RNF150: variants seen among roughly 807,000 people sequenced by gnomAD.
RNF150 encodes the protein ring finger protein 150.
Under a neutral mutation model 39.3 loss-of-function variants are expected in RNF150, and 24 were observed. That is an observed-to-expected ratio of 0.61 (90% CI 0.44 to 0.86). The LOEUF (loss-of-function observed/expected upper bound fraction) is 0.86, where lower values mean the gene tolerates loss of function less well. Ranked by LOEUF, RNF150 falls within the 40% of genes least tolerant of loss-of-function variation. The pLI is 0.00. For synonymous variants in RNF150, 255 were observed against 227.3 expected (o/e 1.12, Z -1.10); for missense variants, 502 against 587.8 (o/e 0.85, Z 1.51).
chr4:141,105,637 A>T (rs1217923048), intron 1 of RNF150, among the ~76,000 whole-genome samples: 1 of 152,114 alleles, frequency 6.6e-6, no homozygotes, highest in African/African-American at 2.4e-5. Flanking sequence ...GCAATCTCAA[A>T]TTTAAAATGC....
At chr4:140,951,597 G>A (rs561457803) in intron 2 of RNF150, among the ~76,000 whole-genome samples, 8 of 149,872 alleles carry the variant, frequency 5.3e-5, no homozygotes, top group African/African-American at 2.0e-4. Flanking sequence ...AATTTAGCCA[G>A]TTAACGGGAA....
chr4:141,169,492 A>G (rs1003273117), intron 1 of RNF150, among the ~76,000 whole-genome samples: 1 of 152,200 alleles, frequency 6.6e-6, no homozygotes, highest in Non-Finnish European at 1.5e-5. Flanking sequence ...TTTAATAATT[A>G]TAGTTTGGCA....
At chr4:141,158,320 A>G (rs898171011) in intron 1 of RNF150, among the ~76,000 whole-genome samples, 3 of 152,002 alleles carry the variant, frequency 2.0e-5, no homozygotes. Context: ...AAACAAAACA[A>G]AGAACAACAG....
intron 1 of RNF150, among the ~76,000 whole-genome samples, chr4:141,177,776 T>C (rs530638081): frequency 2.6e-5 from 4 of 152,316 alleles, no homozygotes; most frequent in African/African-American, 7.2e-5. Flanking sequence ...GCTCATTTCA[T>C]TGATACCTTG....
chr4:141,206,583 T>C (rs550829150), intron 1 of RNF150, among the ~76,000 whole-genome samples: 1 of 152,072 alleles, frequency 6.6e-6, no homozygotes, highest in African/African-American at 2.4e-5. Flanking sequence ...TTATAGATAA[T>C]AGGTAGTCAG....
At chr4:141,165,443 C>T (rs546633019) in intron 1 of RNF150, among the ~76,000 whole-genome samples, 1 of 152,166 alleles carries the variant, frequency 6.6e-6, no homozygotes, top group Admixed American at 6.5e-5. Context: ...CTGGACCAAG[C>T]AGACCTAATA....
chr4:141,004,960 T>C (rs984981465), intron 1 of RNF150, among the ~76,000 whole-genome samples: 5 of 152,178 alleles, frequency 3.3e-5, no homozygotes, highest in Admixed American at 1.3e-4. Context: ...ACAAACAACA[T>C]GGGCAAAGAC....
rs987151072 is a variant in RNF150, at chr4:141,150,413, C to T, written c.-6+62381G>A. On this transcript the variant is annotated intron_variant, in intron 1 of 7. Transcript: ENST00000420921. ...CGTCACCATCTACATTGCTTCCACC[C>T]ACGGGTGTGAGCCATCACCCTGTGG... Among the ~76,000 whole-genome samples, 40 of 152,342 alleles carry T rather than the reference C, an allele frequency of 2.6e-4. 1 individual carries two copies. The highest frequency in any genetic ancestry group is 8.7e-4 in the African/African-American group (36 of 41,584).
chr4:140,950,251 AAG>A (rs1170279818), intron 2 of RNF150, among the ~76,000 whole-genome samples: 1 of 152,240 alleles, frequency 6.6e-6, no homozygotes, highest in African/African-American at 2.4e-5. Context: ...GACTAAGATT[AAG>A]AGAGTTAACA....
chr4:140,916,365 T>C (rs2111289602), intron 5 of RNF150, among the ~76,000 whole-genome samples: 1 of 152,254 alleles, frequency 6.6e-6, no homozygotes, highest in East Asian at 1.9e-4. Flanking sequence ...CTGATGGAGC[T>C]GAAAACCAAG....
At chr4:140,873,520 TAAATAAAATCCATACCCAAGGAAA>T (rs1438457042) in intron 6 of RNF150, among the ~76,000 whole-genome samples, 6 of 152,172 alleles carry the variant, frequency 3.9e-5, no homozygotes, top group Admixed American at 3.3e-4. Context: ...TCATCTTTTA[TAAATAAAATCCATACCCAAGGAAA>T]AGAGAGACTA....
rs1035046810 is a variant in RNF150, at chr4:141,151,418, A to G, written c.-6+61376T>C. Among the ~76,000 whole-genome samples, 12 of 9,970 alleles carry G rather than the reference A, an allele frequency of 1.2e-3. 1 individual carries two copies. The South Asian group carries it at 0.091, about 76-fold the overall frequency. 6.5% of individuals were successfully genotyped at this position (9,970 alleles called of 152,430 possible). ...AAACCCCATCTCTACAGACACACAC[A>G]CACACACACACACACACACACACAC... On this transcript the variant is annotated intron_variant, in intron 1 of 7. Transcript: ENST00000420921.
chr4:141,037,921 T>C (rs1212090804), intron 1 of RNF150, among the ~76,000 whole-genome samples: 1 of 152,224 alleles, frequency 6.6e-6, no homozygotes, highest in Non-Finnish European at 1.5e-5. Flanking sequence ...GAGTTTGCAT[T>C]TTAAAACAGC....
At chr4:140,989,900 A>C (rs1377150922) in intron 1 of RNF150, among the ~76,000 whole-genome samples, 2 of 152,198 alleles carry the variant, frequency 1.3e-5, no homozygotes, top group Non-Finnish European at 2.9e-5. Flanking sequence ...AGAGCATTTT[A>C]AATTCTTGTT....
chr4:140,958,772 ATTTTC>A (rs1209339793), intron 2 of RNF150, among the ~76,000 whole-genome samples: 1 of 151,984 alleles, frequency 6.6e-6, no homozygotes, highest in African/African-American at 2.4e-5. Flanking sequence ...TCGATGGGCT[ATTTTC>A]TTAAAGTACT....
At chr4:141,181,956 G>T (rs953843107) in intron 1 of RNF150, among the ~76,000 whole-genome samples, 4 of 152,154 alleles carry the variant, frequency 2.6e-5, no homozygotes, top group African/African-American at 9.7e-5. Context: ...AGCTCTATCA[G>T]TTCCAACCTA....
At chr4:140,975,256 C>T (rs1397197151) in intron 1 of RNF150, among the ~76,000 whole-genome samples, 1 of 152,040 alleles carries the variant, frequency 6.6e-6, no homozygotes, top group East Asian at 1.9e-4. Flanking sequence ...AAGACCTTGT[C>T]TCAGAAAAAC....
At chr4:141,102,842 T>C (rs1473770710) in intron 1 of RNF150, among the ~76,000 whole-genome samples, 1 of 152,186 alleles carries the variant, frequency 6.6e-6, no homozygotes, top group Non-Finnish European at 1.5e-5. Flanking sequence ...AAAGCAACTG[T>C]AGATAATTAG....
chr4:141,159,307 C>T (rs1225353052), intron 1 of RNF150, among the ~76,000 whole-genome samples: 1 of 152,060 alleles, frequency 6.6e-6, no homozygotes, highest in Admixed American at 6.5e-5. Flanking sequence ...GGCTGTGTTC[C>T]AACAAAACTT....
Sources: gnomAD v4.1 joint callset for allele counts (sites outside exome capture counted in the v4.1 genomes callset) on GRCh38, gnomAD v4.1.1 for gene constraint, MANE v1.5 for transcripts, NCBI Gene and HGNC (gene_info 2026-07-23, HGNC 2026-07-21) for gene names.